LMF1: variants seen among roughly 807,000 people sequenced by gnomAD.
The protein encoded by LMF1 is transmembrane protein 112.
LMF1 carries 68 observed loss-of-function variants against 60.6 expected under a neutral mutation model. That is an observed-to-expected ratio of 1.12 (90% confidence interval 0.92 to 1.37). LMF1 has a LOEUF of 1.37. LMF1 is among the 40% of genes most tolerant of loss of function. The pLI is 0.00. For missense variants in LMF1, 948 were observed against 767.2 expected (o/e 1.24, Z -2.78); for synonymous variants, 418 against 324.7 (o/e 1.29, Z -3.09).
At chr16:904,351 G>A (rs1181829620) in intron 4 of LMF1, among the ~76,000 whole-genome samples, 1 of 99,432 alleles carries the variant, frequency 1.0e-5, no homozygotes, top group Non-Finnish European at 2.0e-5. Context: ...CCTCTGCATC[G>A]CCCACAGGAC....
At chr16:919,973 T>C (rs1278769384) in intron 3 of LMF1, among the ~76,000 whole-genome samples, 1 of 152,172 alleles carries the variant, frequency 6.6e-6, no homozygotes, top group East Asian at 1.9e-4. Flanking sequence ...TCCAGGGCCT[T>C]GCTGGACAGG....
chr16:925,563 C>T (rs1345025276), intron 3 of LMF1, among the ~76,000 whole-genome samples: 4 of 151,998 alleles, frequency 2.6e-5, no homozygotes, highest in Admixed American at 2.6e-4. Flanking sequence ...GACCCTGTCA[C>T]TATAAAAAAG....
At chr16:936,921 C>T (rs964917012) in intron 2 of LMF1, among the ~76,000 whole-genome samples, 7 of 152,148 alleles carry the variant, frequency 4.6e-5, no homozygotes, top group Non-Finnish European at 7.3e-5. Flanking sequence ...GAGCCAAGAT[C>T]GCGCTACTAT....
chr16:911,083 AAAC>A lies in LMF1; in HGVS notation c.515-7_515-5del. ...TCCAGAAGCTGGGACTCCCATCCTAAAACAACGAGACATACCAAAGGTGAGTTA... is the reference window on the plus strand; with the variant it reads ...TCCAGAAGCTGGGACTCCCATCCTAAAACGAGACATACCAAAGGTGAGTTA... On this transcript the variant is annotated splice_polypyrimidine_tract_variant and splice_region_variant and intron_variant, in intron 3 of 10. Coordinates refer to ENST00000262301, the MANE Select transcript of LMF1 (RefSeq NM_022773.4). The A allele has an allele frequency of 1.9e-6, 3 of 1,610,006 alleles. No individual in the cohort carries two copies. The highest frequency in any genetic ancestry group is 2.5e-6 in the Non-Finnish European group (3 of 1,178,528).
chr16:891,843 T>A (rs891085656), intron 5 of LMF1, among the ~76,000 whole-genome samples: 62 of 152,336 alleles, frequency 4.1e-4, no homozygotes, highest in African/African-American at 1.5e-3. Context: ...CACACACGTG[T>A]GCCCTGCGGC....
chr16:869,121 C>A, intron 9 of LMF1, 65 bp from the exon 10 acceptor site: 1 of 1,082,324 alleles, frequency 9.2e-7, no homozygotes, highest in Non-Finnish European at 1.4e-6. Context: ...CCCCTCCGGA[C>A]GCTCGGCTGT....
chr16:975,717 T>C (rs1360255956), upstream of LMF1: 1 of 437,860 alleles, frequency 2.3e-6, no homozygotes, highest in African/African-American at 2.0e-5. Context: ...AATTAAGCCT[T>C]CCTTCCCCAC....
chr16:895,213 G>T (rs2070629163), intron 4 of LMF1, among the ~76,000 whole-genome samples: 1 of 152,020 alleles, frequency 6.6e-6, no homozygotes. Flanking sequence ...AGCTGCTGTT[G>T]GGATGGAATT....
rs1213321045 is a variant in LMF1, at chr16:853,872, C to T, written c.*660G>A. 2.2e-6 allele frequency: 1 copy of T among 454,076 alleles called. No individual in the cohort carries two copies. Among genetic ancestry groups the T allele is most frequent in the South Asian group, 1.6e-5 (1 of 64,476 alleles). 28.1% of individuals were successfully genotyped at this position (454,076 alleles called of 1,614,324 possible). On this transcript the variant is annotated 3_prime_UTR_variant, in exon 11 of 11. Transcript: ENST00000262301. The stretch of plus-strand genomic sequence containing the variant: ...GTGTCCATCTGCACCTCACAGACAC[C>T]AGTCATGGGGGGATGAAACCGGGCC...
chr16:885,414 C>T (rs533160794), intron 5 of LMF1, among the ~76,000 whole-genome samples: 3 of 152,268 alleles, frequency 2.0e-5, no homozygotes, highest in Admixed American at 6.5e-5. Context: ...TGGATGCAAA[C>T]GGCCCAGACA....
At chr16:905,572 A>C (rs539478924) in intron 4 of LMF1, among the ~76,000 whole-genome samples, 1 of 152,354 alleles carries the variant, frequency 6.6e-6, no homozygotes, top group Non-Finnish European at 1.5e-5. Context: ...CCTTTTGTGA[A>C]GTGCCTGCTA....
upstream of LMF1, among the ~76,000 whole-genome samples, chr16:975,098 G>A (rs918152192): frequency 1.3e-5 from 2 of 152,110 alleles, no homozygotes; most frequent in African/African-American, 4.8e-5. Context: ...GGTTGTCCTG[G>A]GACGATGACT....
chr16:873,336 G>A (rs546248888), intron 6 of LMF1: 1 of 152,446 alleles, frequency 6.6e-6, no homozygotes, highest in East Asian at 1.9e-4. Flanking sequence ...ACAAGGCTGT[G>A]CGGCCCACAG....
intron 4 of LMF1, among the ~76,000 whole-genome samples, chr16:896,650 G>A (rs1260171985): frequency 6.6e-6 from 1 of 152,104 alleles, no homozygotes; most frequent in Non-Finnish European, 1.5e-5. Flanking sequence ...TGCTTCTGAT[G>A]AAATGCACGG....
At position 938,581 on chromosome 16, in the gene LMF1, T is replaced by A. The variant is rs79959049; in HGVS notation, c.504-4327A>T. ...AATAAAATGGTAATAACAAGAGGTG[T>A]CTTTGCAAACATCTGTCGCCTGTTG... On this transcript the variant is annotated intron_variant, in intron 2 of 10. Coordinates refer to ENST00000262301, the MANE Select transcript of LMF1 (RefSeq NM_022773.4). Among the ~76,000 whole-genome samples, 391 of 152,316 alleles carry A rather than the reference T, an allele frequency of 2.6e-3. 5 individuals are homozygous for A. The highest frequency in any genetic ancestry group is 9.0e-3 in the African/African-American group (375 of 41,574).
rs1567312622 is a variant in LMF1, at chr16:954,030, A to AC, written c.503+326_503+327insG. ...ACACGTCCACACAGACACCCACCCC[A>AC]AACCAGCCTCCTACACGTCCACACA... On this transcript the variant is annotated intron_variant, in intron 2 of 10. Transcript: ENST00000262301. Among the ~76,000 whole-genome samples the AC allele has an allele frequency of 2.3e-4, 27 of 116,418 alleles. 4 individuals carry two copies. Among genetic ancestry groups the AC allele is most frequent in the Non-Finnish European group, 3.0e-4 (16 of 53,766 alleles). The allele number at this position is 116,418 out of a possible 152,430, so 76.4% of individuals were successfully genotyped here. A position where few individuals can be genotyped will look rare whatever the true frequency, so the allele number is the denominator to read the frequency against.
chr16:950,200 C>A (rs1446236322), intron 2 of LMF1, among the ~76,000 whole-genome samples: 1 of 97,034 alleles, frequency 1.0e-5, no homozygotes, highest in Non-Finnish European at 1.9e-5. Context: ...ACAGAGTCAG[C>A]CAATGACAGA....
intron 10 of LMF1, 46 bp downstream of exon 10, chr16:868,898 T>C (rs745623280): frequency 7.9e-7 from 1 of 1,270,050 alleles, no homozygotes; most frequent in Admixed American, 1.7e-5. Flanking sequence ...AGCAGACACC[T>C]GGATTTGGGG....
Position 954,642 on chromosome 16 carries a change from T to A in LMF1, c.218A>T (p.His73Leu). The change falls in exon 2 of 11, where the codon CAT (histidine) becomes CTT (leucine). Residue 73 changes from histidine (H) to leucine (L), a missense_variant. Coordinates refer to ENST00000262301, the MANE Select transcript of LMF1 (RefSeq NM_022773.4). ...GTCACCGATGAGCTGCTTGTTCTGA[T>A]GGAAAGCCACCAGGAATGCCACGAC... ...VYFVAFLVAF[H>L]QNKQLIGDRG... 6.2e-7 allele frequency: 1 copy of A among 1,601,216 alleles called. No homozygotes were observed. The highest frequency in any genetic ancestry group is 8.5e-7 in the Non-Finnish European group (1 of 1,171,756).
Sources: allele counts gnomAD v4.1 joint callset (sites outside exome capture counted in the v4.1 genomes callset), GRCh38; gene constraint gnomAD v4.1.1; transcripts MANE v1.5; gene names NCBI Gene and HGNC (gene_info 2026-07-23, HGNC 2026-07-21).